XKR9: variants seen among roughly 807,000 people sequenced by gnomAD.
The protein encoded by XKR9 is XK related 9.
XKR9 carries 32 observed loss-of-function variants against 32.0 expected under a neutral mutation model. The ratio of observed to expected loss-of-function variants is 1.00; its 90% CI spans 0.76 to 1.34. The LOEUF is 1.34. Ranked by LOEUF, XKR9 falls within the 40% of genes most tolerant of loss-of-function variation. The probability of loss-of-function intolerance (pLI) is 0.00; values close to 1 mark genes in which losing one functional copy is unlikely to be tolerated. For synonymous variants in XKR9, 168 were observed against 143.4 expected, an observed-to-expected ratio of 1.17 and a Z score of -1.22; for missense variants, 546 against 429.7, an observed-to-expected ratio of 1.27 and a Z score of -2.39.
chr8:71,012,572 C>T, the XKR9 span, among the ~76,000 whole-genome samples: 1 of 152,186 alleles, frequency 6.6e-6, no homozygotes, highest in South Asian at 2.1e-4. Flanking sequence ...ACCTATTTAG[C>T]TCTTACCCCA....
the XKR9 span, among the ~76,000 whole-genome samples, chr8:71,036,050 A>T: frequency 6.6e-6 from 1 of 152,154 alleles, no homozygotes; most frequent in East Asian, 1.9e-4. Flanking sequence ...CTATTCATCA[A>T]ACCAAAGCAT....
chr8:71,047,948 C>A, the XKR9 span, among the ~76,000 whole-genome samples: 1 of 152,132 alleles, frequency 6.6e-6, no homozygotes, highest in Non-Finnish European at 1.5e-5. Context: ...GTGAGGTAAC[C>A]CCCAAGTGGT....
At chr8:70,949,428 A>T in the XKR9 span, among the ~76,000 whole-genome samples, 1 of 152,048 alleles carries the variant, frequency 6.6e-6, no homozygotes, top group African/African-American at 2.4e-5. Flanking sequence ...CTAAATCTAG[A>T]AATTTCTGTC....
chr8:70,712,871 A>G (rs1345751226), intron 4 of XKR9, among the ~76,000 whole-genome samples: 2 of 152,148 alleles, frequency 1.3e-5, no homozygotes, highest in African/African-American at 2.4e-5. Flanking sequence ...GGCCTCAAAT[A>G]ATTTTTACAA....
the XKR9 span, among the ~76,000 whole-genome samples, chr8:71,024,579 C>G: frequency 2.6e-5 from 4 of 152,312 alleles, no homozygotes; most frequent in South Asian, 6.2e-4. Flanking sequence ...CACTTCCTCT[C>G]TGAAGCAATA....
At chr8:70,930,155 C>A in the XKR9 span, among the ~76,000 whole-genome samples, 1 of 151,924 alleles carries the variant, frequency 6.6e-6, no homozygotes, top group Non-Finnish European at 1.5e-5. Context: ...ATGTAGAAAC[C>A]TGGGAGTTAG....
chr8:70,748,609 G>A (rs1807091762), intron 2 of XKR9, among the ~76,000 whole-genome samples: 1 of 152,226 alleles, frequency 6.6e-6, no homozygotes, highest in Non-Finnish European at 1.5e-5. Context: ...TTGGCATGAG[G>A]AGCCTGGGCG....
chr8:71,036,514 T>C, the XKR9 span, among the ~76,000 whole-genome samples: 3 of 152,070 alleles, frequency 2.0e-5, no homozygotes, highest in Non-Finnish European at 4.4e-5. Context: ...CTCAAAAACA[T>C]TGGGATTTGG....
chr8:70,974,405 A>G, the XKR9 span, among the ~76,000 whole-genome samples: 3 of 152,006 alleles, frequency 2.0e-5, no homozygotes, highest in Admixed American at 6.6e-5. Flanking sequence ...CCACCACCCC[A>G]TGACAGGCCC....
chr8:70,785,408 T>A (rs983791841), intron 2 of XKR9, among the ~76,000 whole-genome samples: 1 of 151,924 alleles, frequency 6.6e-6, no homozygotes, highest in Non-Finnish European at 1.5e-5. Flanking sequence ...TTAATCAGTC[T>A]AACTGAAAGT....
the XKR9 span, among the ~76,000 whole-genome samples, chr8:71,031,205 T>C: frequency 6.6e-6 from 1 of 152,218 alleles, no homozygotes; most frequent in Admixed American, 6.5e-5. Flanking sequence ...TTCATGTCTC[T>C]ACACAATTTA....
chr8:71,034,714 A>G, the XKR9 span, among the ~76,000 whole-genome samples: 1 of 151,974 alleles, frequency 6.6e-6, no homozygotes, highest in African/African-American at 2.4e-5. Context: ...CTGTGGAGTC[A>G]CTTCCAGCTT....
chr8:70,720,931 G>T (rs1302727778), intron 4 of XKR9, among the ~76,000 whole-genome samples: 2 of 152,082 alleles, frequency 1.3e-5, no homozygotes, highest in Non-Finnish European at 1.5e-5. Flanking sequence ...CTCTTGTCCT[G>T]GGCTTTGTTC....
At chr8:70,785,437 T>C (rs191250546) in intron 2 of XKR9, among the ~76,000 whole-genome samples, 93 of 151,866 alleles carry the variant, frequency 6.1e-4, no homozygotes, top group African/African-American at 2.2e-3. Flanking sequence ...TTTATCTTTT[T>C]AAAAAATCAA....
At chr8:70,954,170 G>A in the XKR9 span, among the ~76,000 whole-genome samples, 4 of 152,042 alleles carry the variant, frequency 2.6e-5, no homozygotes, top group South Asian at 2.1e-4. Context: ...GGTCCTGGGT[G>A]AGAGCAGGGC....
chr8:71,010,808 T>A, the XKR9 span, among the ~76,000 whole-genome samples: 4 of 152,160 alleles, frequency 2.6e-5, no homozygotes, highest in African/African-American at 9.7e-5. Context: ...ATTTTCATAT[T>A]TGAGTCTGAA....
At chr8:70,802,145 C>T in the XKR9 span, among the ~76,000 whole-genome samples, 3 of 151,846 alleles carry the variant, frequency 2.0e-5, no homozygotes, top group Non-Finnish European at 4.4e-5. Context: ...ACCATGTTAT[C>T]CAGGATGGTC....
At chr8:70,775,021 T>C (rs1807500477) in intron 2 of XKR9, among the ~76,000 whole-genome samples, 1 of 152,146 alleles carries the variant, frequency 6.6e-6, no homozygotes, top group Non-Finnish European at 1.5e-5. Flanking sequence ...TTCTCAGCCA[T>C]GTTTTATAAT....
chr8:70,833,426 A>G, the XKR9 span, among the ~76,000 whole-genome samples: 1 of 152,170 alleles, frequency 6.6e-6, no homozygotes, highest in African/African-American at 2.4e-5. Flanking sequence ...TACAGGATAT[A>G]TTACTTTCCA....
Sources: gnomAD v4.1 joint callset for allele counts (sites outside exome capture counted in the v4.1 genomes callset) on GRCh38, gnomAD v4.1.1 for gene constraint, MANE v1.5 for transcripts, NCBI Gene and HGNC (gene_info 2026-07-23, HGNC 2026-07-21) for gene names.